Variants in HLCS observed in about 807,000 individuals in gnomAD.
HLCS encodes the protein biotin--protein ligase.
Under a neutral mutation model 75.0 loss-of-function variants are expected in HLCS, and 53 were observed. The ratio of observed to expected loss-of-function variants is 0.71; its 90% confidence interval spans 0.57 to 0.89. The LOEUF (loss-of-function observed/expected upper bound fraction) is 0.89. HLCS is among the 40% of genes least tolerant of loss of function. The pLI is 0.00. For synonymous variants in HLCS, 431 were observed against 428.6 expected (o/e 1.01, Z -0.07); for missense variants, 966 against 1,074.0 (o/e 0.90, Z 1.41).
intron 6 of HLCS, among the ~76,000 whole-genome samples, chr21:36,883,975 A>T (rs114052336): frequency 0.015 from 2,355 of 152,260 alleles, 60 homozygotes; most frequent in African/African-American, 0.053. Context: ...CACTGTGGGC[A>T]TTTATTCAGT....
intron 5 of HLCS, among the ~76,000 whole-genome samples, chr21:36,921,341 A>G (rs1046169965): frequency 2.6e-5 from 4 of 152,190 alleles, no homozygotes; most frequent in African/African-American, 9.7e-5. Flanking sequence ...GCTACTCAGG[A>G]GGCTGAGGCA....
Position 36,903,218 on chromosome 21 carries a change from A to G in HLCS, c.1621-6087T>C, listed in dbSNP as rs546809365. Among the ~76,000 whole-genome samples the G allele has an allele frequency of 3.3e-5, 5 of 152,316 alleles. No homozygotes were observed. In the South Asian group the frequency reaches 1.0e-3, roughly 32 times the overall value. On this transcript the variant is annotated intron_variant, in intron 5 of 10. Transcript: ENST00000674895. Reference sequence around the variant, plus strand: ...TACAGAATACCAAGATATATTTCAAATGGATTATTCCCTGTTCATCATTCT... The same window carrying G: ...TACAGAATACCAAGATATATTTCAAGTGGATTATTCCCTGTTCATCATTCT...
intron 6 of HLCS, among the ~76,000 whole-genome samples, chr21:36,830,265 T>C (rs2062155875): frequency 2.0e-5 from 3 of 152,134 alleles, no homozygotes; most frequent in African/African-American, 7.2e-5. Flanking sequence ...GAGAAATGAA[T>C]GTCTGTTGTT....
intron 6 of HLCS, among the ~76,000 whole-genome samples, chr21:36,863,574 A>G (rs954088927): frequency 5.3e-5 from 8 of 152,188 alleles, no homozygotes; most frequent in Non-Finnish European, 1.2e-4. Flanking sequence ...AGGTTCTGAA[A>G]TGCAAAGCCT....
chr21:36,794,421 C>A (rs148132407), intron 6 of HLCS, among the ~76,000 whole-genome samples: 23 of 152,320 alleles, frequency 1.5e-4, no homozygotes, highest in African/African-American at 4.8e-4. Context: ...ACCATGAAGA[C>A]ATGTGACAGA....
intron 6 of HLCS, among the ~76,000 whole-genome samples, chr21:36,767,739 G>C (rs963838036): frequency 1.3e-5 from 2 of 152,026 alleles, no homozygotes; most frequent in Admixed American, 6.6e-5. Flanking sequence ...AGAAGTTTCT[G>C]ATTATTCAGA....
At chr21:36,965,037 T>C (rs1363819323) in intron 1 of HLCS, among the ~76,000 whole-genome samples, 1 of 152,228 alleles carries the variant, frequency 6.6e-6, no homozygotes, top group African/African-American at 2.4e-5. Flanking sequence ...TACTAGTTAT[T>C]TGCATAACTA....
At chr21:36,885,544 T>G (rs890883351) in intron 6 of HLCS, among the ~76,000 whole-genome samples, 4 of 151,164 alleles carry the variant, frequency 2.6e-5, no homozygotes, top group Admixed American at 2.6e-4. Context: ...ATCACAGTCC[T>G]GAACACAGAC....
chr21:36,856,767 C>T (rs2146170141), intron 6 of HLCS, among the ~76,000 whole-genome samples: 1 of 152,268 alleles, frequency 6.6e-6, no homozygotes, highest in Admixed American at 6.5e-5. Context: ...GGATCAAGTT[C>T]CCTCACCTCA....
At chr21:36,881,114 T>C (rs3787768) in intron 6 of HLCS, among the ~76,000 whole-genome samples, 75,229 of 151,784 alleles carry the variant, frequency 0.5, 21,232 homozygotes, top group African/African-American at 0.78. Flanking sequence ...GGACTACAGG[T>C]GTGCACCACC....
intron 6 of HLCS, 89 bp from the exon 7 acceptor site, chr21:36,767,374 C>T: frequency 7.7e-7 from 1 of 1,295,582 alleles, no homozygotes; most frequent in African/African-American, 1.5e-5. Context: ...GGTTTGCATG[C>T]ATCTGGGGGT....
chr21:36,900,271 C>T (rs775005147), intron 5 of HLCS, among the ~76,000 whole-genome samples: 14 of 152,110 alleles, frequency 9.2e-5, no homozygotes, highest in Non-Finnish European at 1.8e-4. Context: ...AAGAAGGCAA[C>T]GCTTAAGGAA....
chr21:36,934,740 T>C (rs1601795035), intron 4 of HLCS, among the ~76,000 whole-genome samples: 2 of 152,196 alleles, frequency 1.3e-5, no homozygotes, highest in Non-Finnish European at 2.9e-5. Context: ...CATTACTAGA[T>C]TTATTACAAA....
intron 10 of HLCS, among the ~76,000 whole-genome samples, chr21:36,756,125 G>C (rs1441962587): frequency 6.6e-6 from 1 of 152,076 alleles, no homozygotes; most frequent in Non-Finnish European, 1.5e-5. Flanking sequence ...TCAGACCAGT[G>C]CTCGGTCCCT....
intron 6 of HLCS, among the ~76,000 whole-genome samples, chr21:36,861,260 A>T (rs1307828891): frequency 6.6e-6 from 1 of 151,792 alleles, no homozygotes; most frequent in Non-Finnish European, 1.5e-5. Flanking sequence ...TTCCTCCCCT[A>T]CCACAAGAGA....
chr21:36,973,290 A>G (rs979214754), intron 1 of HLCS, among the ~76,000 whole-genome samples: 2 of 148,166 alleles, frequency 1.3e-5, no homozygotes, highest in Non-Finnish European at 3.0e-5. Flanking sequence ...TGTAACACAC[A>G]TAACTGATAA....
intron 5 of HLCS, among the ~76,000 whole-genome samples, chr21:36,914,052 T>C (rs1313641609): frequency 6.6e-6 from 1 of 152,118 alleles, no homozygotes. Flanking sequence ...GAGCTGCTAA[T>C]GGGAAATAAT....
At chr21:36,818,584 G>A (rs903582429) in intron 6 of HLCS, among the ~76,000 whole-genome samples, 1 of 152,114 alleles carries the variant, frequency 6.6e-6, no homozygotes, top group Non-Finnish European at 1.5e-5. Context: ...TTTCACAAGC[G>A]AGCTTAAATA....
At chr21:36,849,817 G>A (rs2062926536) in intron 6 of HLCS, among the ~76,000 whole-genome samples, 1 of 152,152 alleles carries the variant, frequency 6.6e-6, no homozygotes, top group African/African-American at 2.4e-5. Flanking sequence ...TCTGTTGTTT[G>A]CAATCATGAA....
Sources: gnomAD v4.1 joint callset for allele counts (sites outside exome capture counted in the v4.1 genomes callset) on GRCh38, gnomAD v4.1.1 for gene constraint, MANE v1.5 for transcripts, NCBI Gene and HGNC (gene_info 2026-07-23, HGNC 2026-07-21) for gene names.